RTN1: variants seen among roughly 807,000 people sequenced by gnomAD.
The protein encoded by RTN1 is reticulon 1.
Under a neutral mutation model 65.5 loss-of-function variants are expected in RTN1, and 25 were observed. The ratio of observed to expected loss-of-function variants is 0.38; its 90% CI spans 0.28 to 0.53. The LOEUF (loss-of-function observed/expected upper bound fraction) is 0.53. Ranked by LOEUF, RTN1 falls within the 20% of genes least tolerant of loss-of-function variation. The pLI is 0.79. For synonymous variants in RTN1, 471 were observed against 447.6 expected (o/e 1.05, Z -0.66); for missense variants, 983 against 1,025.4 (o/e 0.96, Z 0.57).
In RTN1 at chr14:59,655,146, A is replaced by G. The variant is rs528750224; in HGVS notation, c.1766-47654T>C. ...AAGTTAATATACAATACTCAACTGT[A>G]TATCTATACACTAGCAGTGAACAAT... On this transcript the variant is annotated intron_variant, in intron 3 of 8. Transcript: ENST00000267484. Among the ~76,000 whole-genome samples, 31 of 152,368 alleles carry G rather than the reference A, an allele frequency of 2.0e-4. No individual in the cohort carries two copies. The South Asian group carries it at 6.2e-3, about 31-fold the overall frequency.
intron 1 of RTN1, among the ~76,000 whole-genome samples, chr14:59,772,403 C>T (rs373338228): frequency 2.6e-5 from 4 of 151,802 alleles, no homozygotes; most frequent in East Asian, 3.9e-4. Flanking sequence ...CATTTAACTG[C>T]CTTTAGTGTG....
In RTN1 at chr14:59,860,297, G is replaced by A. The variant is rs550561063; in HGVS notation, c.241+10093C>T. On this transcript the variant is annotated intron_variant, in intron 1 of 8. Coordinates refer to ENST00000267484, the MANE Select transcript of RTN1 (RefSeq NM_021136.3). ...CAAGCTGAAGCTCTGGCTTCAGAGG[G>A]TGCAAACCCCAAGCCTTGGCAGCTT... 2.6e-5 allele frequency among the ~76,000 whole-genome samples: 4 copies of A among 152,320 alleles called. No individual in the cohort carries two copies. In the East Asian group the frequency reaches 7.7e-4, roughly 29 times the overall value.
chr14:59,817,539 A>C (rs1048078299), intron 1 of RTN1, among the ~76,000 whole-genome samples: 3 of 152,134 alleles, frequency 2.0e-5, no homozygotes, highest in Non-Finnish European at 4.4e-5. Flanking sequence ...CCTCTTAATA[A>C]ACATGCTTCG....
intron 3 of RTN1, among the ~76,000 whole-genome samples, chr14:59,635,394 A>G (rs950218048): frequency 6.6e-6 from 1 of 152,248 alleles, no homozygotes; most frequent in African/African-American, 2.4e-5. Flanking sequence ...GTGACACTTT[A>G]GGAAGAAAAA....
chr14:59,842,992 T>G (rs569315520), intron 1 of RTN1, among the ~76,000 whole-genome samples: 11 of 152,186 alleles, frequency 7.2e-5, no homozygotes, highest in Non-Finnish European at 1.5e-4. Flanking sequence ...AGGTACATAC[T>G]CAAGAGAAAT....
At chr14:59,865,832 C>T (rs1887788120) in intron 1 of RTN1, among the ~76,000 whole-genome samples, 1 of 152,148 alleles carries the variant, frequency 6.6e-6, no homozygotes, top group Non-Finnish European at 1.5e-5. Flanking sequence ...TGAATAAAAT[C>T]ACAACTAACT....
At chr14:59,693,934 C>T (rs1295551047) in intron 3 of RTN1, among the ~76,000 whole-genome samples, 1 of 152,166 alleles carries the variant, frequency 6.6e-6, no homozygotes, top group Non-Finnish European at 1.5e-5. Context: ...CCTGCTGCTC[C>T]ACGGCAGCAC....
intron 3 of RTN1, among the ~76,000 whole-genome samples, chr14:59,688,691 T>C (rs1407940897): frequency 2.0e-5 from 3 of 152,114 alleles, no homozygotes; most frequent in Non-Finnish European, 2.9e-5. Context: ...TGCATAGGGC[T>C]ATAGAAGCAA....
intron 3 of RTN1, among the ~76,000 whole-genome samples, chr14:59,630,200 T>G (rs1392502060): frequency 1.3e-5 from 1 of 76,130 alleles, no homozygotes; most frequent in African/African-American, 5.6e-5. Flanking sequence ...ATGCATTATT[T>G]AAAATACCAG....
intron 1 of RTN1, among the ~76,000 whole-genome samples, chr14:59,819,003 T>C (rs1165126588): frequency 6.6e-6 from 1 of 152,096 alleles, no homozygotes; most frequent in Non-Finnish European, 1.5e-5. Flanking sequence ...GGGTTCGTGG[T>C]CTCCCTGGCT....
At chr14:59,792,078 C>T (rs1246687496) in intron 1 of RTN1, among the ~76,000 whole-genome samples, 6 of 152,136 alleles carry the variant, frequency 3.9e-5, no homozygotes, top group Non-Finnish European at 7.3e-5. Flanking sequence ...GAGTCTTACA[C>T]TTCTTTCTCT....
At position 59,870,316 on chromosome 14, in the gene RTN1, A is replaced by G; in HGVS notation, c.241+74T>C. On this transcript the variant is annotated intron_variant, in intron 1 of 8. Coordinates refer to ENST00000267484, the MANE Select transcript of RTN1 (RefSeq NM_021136.3). This position sits in a 1 kb window ranked among gnomAD's most constrained non-coding sequence, Gnocchi z 5.1. ...AAAGCGCGAGGCAGGTGCCCAGGAGAGCCGCGCAGAAGGGGACTGACTGGG... is the reference window on the plus strand; with the variant it reads ...AAAGCGCGAGGCAGGTGCCCAGGAGGGCCGCGCAGAAGGGGACTGACTGGG... 1 of 1,345,174 alleles carries G rather than the reference A, an allele frequency of 7.4e-7. No individual in the cohort carries two copies. Among genetic ancestry groups the G allele is most frequent in the Non-Finnish European group, 9.5e-7 (1 of 1,048,232 alleles). The allele number at this position is 1,345,174 out of a possible 1,614,324, so 83.3% of individuals were successfully genotyped here. A position where few individuals can be genotyped will look rare whatever the true frequency, so the allele number is the denominator to read the frequency against.
At position 59,858,300 on chromosome 14, in the gene RTN1, T is replaced by C. The variant is rs151231885; in HGVS notation, c.241+12090A>G. ...TAGGATGAGGTCTGTGGTCACTCCA[T>C]GTGATGTTGGAGCAGGTAGTTTATA... On this transcript the variant is annotated intron_variant, in intron 1 of 8. Coordinates refer to ENST00000267484, the MANE Select transcript of RTN1 (RefSeq NM_021136.3). Among the ~76,000 whole-genome samples, 603 of 152,288 alleles carry C rather than the reference T, an allele frequency of 4.0e-3. 7 individuals are homozygous for C. Among genetic ancestry groups the C allele is most frequent in the African/African-American group, 0.013 (558 of 41,560 alleles).
At chr14:59,780,075 C>T (rs543322654) in intron 1 of RTN1, among the ~76,000 whole-genome samples, 2 of 152,320 alleles carry the variant, frequency 1.3e-5, no homozygotes, top group South Asian at 2.1e-4. Context: ...TCATTTACCA[C>T]TGTGCCAGGC....
intron 3 of RTN1, among the ~76,000 whole-genome samples, chr14:59,608,129 A>G (rs1881825551): frequency 6.6e-6 from 1 of 152,242 alleles, no homozygotes; most frequent in Admixed American, 6.5e-5. Flanking sequence ...AAATGGAAAT[A>G]CTTTAAATAT....
At chr14:59,720,678 CGCCACT>C (rs1252933349) in intron 3 of RTN1, among the ~76,000 whole-genome samples, 1 of 150,572 alleles carries the variant, frequency 6.6e-6, no homozygotes, top group Admixed American at 6.6e-5. Flanking sequence ...GCTGAGATCG[CGCCACT>C]GCACTCCAGC....
intron 1 of RTN1, among the ~76,000 whole-genome samples, chr14:59,802,154 C>T (rs982229311): frequency 3.3e-5 from 5 of 152,106 alleles, no homozygotes; most frequent in African/African-American, 1.2e-4. Context: ...CTCTTTGGCT[C>T]TATTTACTTA....
intron 3 of RTN1, among the ~76,000 whole-genome samples, chr14:59,714,716 G>C (rs1884497965): frequency 2.6e-5 from 4 of 152,178 alleles, no homozygotes; most frequent in Admixed American, 6.5e-5. Flanking sequence ...AGAAGAGCAA[G>C]TATCAATTTG....
At chr14:59,761,601 T>C (rs181423420) in intron 1 of RTN1, among the ~76,000 whole-genome samples, 5 of 152,144 alleles carry the variant, frequency 3.3e-5, no homozygotes, top group Non-Finnish European at 7.3e-5. Flanking sequence ...CAAAACAGAC[T>C]GAAGAAGACC....
Sources: allele counts gnomAD v4.1 joint callset (sites outside exome capture counted in the v4.1 genomes callset), GRCh38; gene constraint gnomAD v4.1.1; non-coding constraint Gnocchi (gnomAD v3.1); transcripts MANE v1.5; gene names NCBI Gene and HGNC (gene_info 2026-07-23, HGNC 2026-07-21).